The following NSA2 variants were observed in gnomAD, a reference collection of about 807,000 sequenced individuals.
The protein encoded by NSA2 is NSA2 ribosome biogenesis factor.
NSA2 carries 18 observed loss-of-function variants against 34.8 expected under a neutral mutation model. That is an observed-to-expected ratio of 0.52 (90% CI 0.36 to 0.77). NSA2 has a LOEUF of 0.77. NSA2 is among the 30% of genes least tolerant of loss of function. NSA2 has a pLI of 0.00. For synonymous variants in NSA2, 79 were observed against 100.2 expected, an observed-to-expected ratio of 0.79 and a Z score of 1.26; for missense variants, 188 against 314.7, an observed-to-expected ratio of 0.60 and a Z score of 3.05.
intron 4 of NSA2, chr5:74,771,406 C>T (rs1744923342): frequency 6.6e-6 from 1 of 152,102 alleles, no homozygotes; most frequent in Non-Finnish European, 1.5e-5. Context: ...GTCATATTTT[C>T]CTCATTAAAC....
chr5:74,768,477 A>G (rs1744791877), intron 1 of NSA2, among the ~76,000 whole-genome samples: 1 of 152,190 alleles, frequency 6.6e-6, no homozygotes, highest in African/African-American at 2.4e-5. Flanking sequence ...TTTAGGGGGA[A>G]ATGGAAATTC....
At chr5:74,767,411 T>A (rs781307835) in intron 1 of NSA2, 48 bp downstream of exon 1, 1 of 1,610,030 alleles carries the variant, frequency 6.2e-7, no homozygotes, top group Non-Finnish European at 8.5e-7. Context: ...TCTGAGTTAG[T>A]GGGACCTGAG....
chr5:74,771,691 A>T (rs1327305141), intron 4 of NSA2: 2 of 151,636 alleles, frequency 1.3e-5, no homozygotes, highest in Non-Finnish European at 2.9e-5. Flanking sequence ...ACTAAAAAAA[A>T]AAAATACAAG....
rs1220659147 is a variant in NSA2, at chr5:74,777,087, G to A, written c.*416G>A. 6.6e-6 allele frequency: 1 copy of A among 151,924 alleles called. No individual in the cohort carries two copies. Among genetic ancestry groups the A allele is most frequent in the Non-Finnish European group, 1.4e-5 (1 of 69,880 alleles). 9.4% of individuals were successfully genotyped at this position (151,924 alleles called of 1,614,324 possible). ...AAAGGTAGGTAGCATTAATACAGAT[G>A]TTAAGTTTATAGTGTTTGTTTACAC... On this transcript the variant is annotated 3_prime_UTR_variant, in exon 6 of 6. Transcript: ENST00000610426.
intron 5 of NSA2, among the ~76,000 whole-genome samples, chr5:74,774,794 C>T (rs555753424): frequency 5.9e-5 from 9 of 152,094 alleles, no homozygotes; most frequent in South Asian, 4.2e-4. Context: ...AGATGTCTTC[C>T]GTAAGAAAAA....
rs6453083 is a variant in NSA2 at position 74,779,533 on chromosome 5, G to C, written c.*2862G>C. The C allele has an allele frequency of 6.6e-6, 1 of 151,462 alleles. No individual in the cohort carries two copies. The highest frequency in any genetic ancestry group is 2.4e-5 in the African/African-American group (1 of 41,042). 9.4% of individuals were successfully genotyped at this position (151,462 alleles called of 1,614,324 possible). On this transcript the variant is annotated 3_prime_UTR_variant, in exon 6 of 6. Coordinates refer to ENST00000610426, the MANE Select transcript of NSA2 (RefSeq NM_014886.6). ...TAAGAATTTACTGAATCTTAACAGAGTATTTCCCTTTGTGATATTGACAGA... is the reference window on the plus strand; with the variant it reads ...TAAGAATTTACTGAATCTTAACAGACTATTTCCCTTTGTGATATTGACAGA...
intron 4 of NSA2, among the ~76,000 whole-genome samples, chr5:74,772,247 C>G (rs967732874): frequency 1.3e-5 from 2 of 151,788 alleles, no homozygotes; most frequent in African/African-American, 4.8e-5. Context: ...GCCTCAGCCT[C>G]CCGAGTAGCT....
At chr5:74,770,926 T>A (rs1252490872) in intron 4 of NSA2, 116 bp downstream of exon 4, 2 of 815,536 alleles carry the variant, frequency 2.5e-6, no homozygotes, top group African/African-American at 3.6e-5. Flanking sequence ...TTGAAAGATA[T>A]TTTTATGCAA....
At chr5:74,773,194 T>G (rs1034657540) in intron 4 of NSA2, among the ~76,000 whole-genome samples, 14 of 152,152 alleles carry the variant, frequency 9.2e-5, no homozygotes, top group Admixed American at 3.3e-4. Context: ...GGGATGTGTT[T>G]GTTGTGAGGT....
At position 74,770,658 on chromosome 5, in the gene NSA2, G is replaced by A. The variant is rs185653889; in HGVS notation, c.370G>A (p.Val124Ile). The part of the protein sequence containing the change: ...AGKWEVPLPK[V>I]RAQGETEVLK... ...AAAATGGGAAGTCCCTCTGCCTAAA[G>A]TACGTGCCCAGGGAGAAACAGAAGT... Residue 124 changes from valine (V) to isoleucine (I), a missense_variant, in exon 4 of 6, where the codon GTA (valine) becomes ATA (isoleucine). Coordinates refer to ENST00000610426, the MANE Select transcript of NSA2 (RefSeq NM_014886.6). 6.2e-7 allele frequency: 1 copy of A among 1,604,378 alleles called. No individual in the cohort carries two copies. Among genetic ancestry groups the A allele is most frequent in the African/African-American group, 1.3e-5 (1 of 74,530 alleles).
intron 1 of NSA2, 44 bp from the exon 2 acceptor site, chr5:74,768,887 C>A: frequency 7.4e-7 from 1 of 1,344,776 alleles, no homozygotes; most frequent in Non-Finnish European, 1.0e-6. Context: ...GAATAATTGT[C>A]AGTACTTTAA....
At chr5:74,769,476 C>T in intron 3 of NSA2, 112 bp downstream of exon 3, 8 of 810,534 alleles carry the variant, frequency 9.9e-6, no homozygotes, top group Non-Finnish European at 1.5e-5. Context: ...CTATTATTCC[C>T]ATTATTTAGA....
chr5:74,767,408 T>C (rs1355759960), intron 1 of NSA2, 45 bp downstream of exon 1: 1 of 1,610,390 alleles, frequency 6.2e-7, no homozygotes, highest in Non-Finnish European at 8.5e-7. Flanking sequence ...GCGTCTGAGT[T>C]AGTGGGACCT....
At chr5:74,768,753 A>G (rs576542112) in intron 1 of NSA2, among the ~76,000 whole-genome samples, 178 bp from the exon 2 acceptor site, 2 of 152,350 alleles carry the variant, frequency 1.3e-5, no homozygotes, top group South Asian at 2.1e-4. Context: ...CTGATGCCTC[A>G]TATCATTCAA....
At chr5:74,775,109 C>T (rs1380248207) in intron 5 of NSA2, among the ~76,000 whole-genome samples, 9 of 151,718 alleles carry the variant, frequency 5.9e-5, no homozygotes, top group South Asian at 2.1e-4. Context: ...CCAGCTGCTC[C>T]GGTGGCTGAG....
intron 5 of NSA2, among the ~76,000 whole-genome samples, chr5:74,775,224 A>G (rs930613512): frequency 6.6e-6 from 1 of 151,552 alleles, no homozygotes; most frequent in African/African-American, 2.4e-5. Context: ...TCAAAAAGTA[A>G]TAATAATAAT....
chr5:74,770,938 T>C, intron 4 of NSA2, 128 bp downstream of exon 4: 1 of 778,624 alleles, frequency 1.3e-6, no homozygotes, highest in Admixed American at 3.6e-5. Flanking sequence ...TTTATGCAAT[T>C]TTTGTTATTT....
At chr5:74,774,115 C>G in intron 5 of NSA2, 55 bp downstream of exon 5, 1 of 1,205,306 alleles carries the variant, frequency 8.3e-7, no homozygotes. Context: ...AATAGAAATA[C>G]TATTCAAGTT....
At chr5:74,771,532 G>A (rs911467937) in intron 4 of NSA2, 1 of 151,858 alleles carries the variant, frequency 6.6e-6, no homozygotes, top group Non-Finnish European at 1.5e-5. Context: ...GTTTGATAAG[G>A]AAAGTATCTA....
Sources: gnomAD v4.1 joint callset for allele counts (sites outside exome capture counted in the v4.1 genomes callset) on GRCh38, gnomAD v4.1.1 for gene constraint, MANE v1.5 for transcripts, NCBI Gene and HGNC (gene_info 2026-07-23, HGNC 2026-07-21) for gene names.